GREB1L: variants seen among roughly 807,000 people sequenced by gnomAD.
GREB1L encodes GREB1-like protein.
A neutral mutation model predicts 200.8 loss-of-function variants in GREB1L; 17 were observed. The ratio of observed to expected loss-of-function variants is 0.08; its 90% CI spans 0.06 to 0.13. The LOEUF is 0.13. GREB1L is among the 10% of genes least tolerant of loss of function. The pLI, the probability that GREB1L is intolerant of heterozygous loss-of-function variation, is 1.00. For missense variants in GREB1L, 1,657 were observed against 2,367.7 expected (o/e 0.70, Z 6.23); for synonymous variants, 789 against 893.0 (o/e 0.88, Z 2.08).
intron 15 of GREB1L, among the ~76,000 whole-genome samples, chr18:21,459,398 G>A (rs529302690): frequency 2.8e-4 from 41 of 143,964 alleles, no homozygotes; most frequent in African/African-American, 1.1e-3. Context: ...TGATTCTCCT[G>A]CCCCAGCCTT....
At chr18:21,339,025 C>CT (rs1333778620) in intron 1 of GREB1L, among the ~76,000 whole-genome samples, 1 of 152,126 alleles carries the variant, frequency 6.6e-6, no homozygotes, top group Non-Finnish European at 1.5e-5. Flanking sequence ...CCCGTCTCTA[C>CT]TAAAAATACA....
At chr18:21,243,583 T>A (rs1035547350) in intron 1 of GREB1L, among the ~76,000 whole-genome samples, 10 of 152,122 alleles carry the variant, frequency 6.6e-5, no homozygotes, top group Non-Finnish European at 1.0e-4. Context: ...CCACAAAAGG[T>A]TTTTGAACTC....
At chr18:21,260,075 C>G (rs370437373) in intron 1 of GREB1L, among the ~76,000 whole-genome samples, 1 of 151,724 alleles carries the variant, frequency 6.6e-6, no homozygotes, top group Admixed American at 6.6e-5. Context: ...ACATTGTACA[C>G]GATTAATTAG....
intron 16 of GREB1L, among the ~76,000 whole-genome samples, chr18:21,476,511 G>A (rs138491906): frequency 6.6e-6 from 1 of 152,122 alleles, no homozygotes; most frequent in East Asian, 1.9e-4. Flanking sequence ...AGTTTTGGGT[G>A]ATATTTCTGA....
chr18:21,286,920 T>G (rs1226009533), intron 1 of GREB1L, among the ~76,000 whole-genome samples: 1 of 152,238 alleles, frequency 6.6e-6, no homozygotes, highest in Non-Finnish European at 1.5e-5. Flanking sequence ...GTGTTGGGGT[T>G]ACAGGCGTGA....
chr18:21,497,816 C>CT (rs981398546), intron 21 of GREB1L, among the ~76,000 whole-genome samples: 45 of 125,448 alleles, frequency 3.6e-4, no homozygotes, highest in Middle Eastern at 3.9e-3. Flanking sequence ...TCACCACCCC[C>CT]CCCCCTTTTT....
chr18:21,307,764 G>A (rs2038725449), intron 1 of GREB1L, among the ~76,000 whole-genome samples: 1 of 152,094 alleles, frequency 6.6e-6, no homozygotes, highest in Non-Finnish European at 1.5e-5. Flanking sequence ...CGGGGGGGAG[G>A]AGTGAGGTCA....
chr18:21,269,194 A>G (rs1441294119), intron 1 of GREB1L, among the ~76,000 whole-genome samples: 1 of 152,142 alleles, frequency 6.6e-6, no homozygotes, highest in Non-Finnish European at 1.5e-5. Flanking sequence ...TCTAATACTC[A>G]TGTCTGTTTT....
intron 1 of GREB1L, among the ~76,000 whole-genome samples, chr18:21,275,979 G>A (rs2038156622): frequency 6.6e-6 from 1 of 152,180 alleles, no homozygotes; most frequent in Non-Finnish European, 1.5e-5. Flanking sequence ...GGTCTTGGAA[G>A]ACAATGTAGA....
intron 5 of GREB1L, among the ~76,000 whole-genome samples, chr18:21,396,212 TC>T (rs2041059452): frequency 6.6e-6 from 1 of 151,818 alleles, no homozygotes. Context: ...GCCCAGCTAC[TC>T]TTTGTATTTT....
At chr18:21,468,571 CAT>C (rs562929932) in intron 15 of GREB1L, among the ~76,000 whole-genome samples, 78 of 152,298 alleles carry the variant, frequency 5.1e-4, no homozygotes, top group Non-Finnish European at 9.9e-4. Flanking sequence ...GTTAAAAAAT[CAT>C]AGAGTTCGCT....
At chr18:21,386,673 T>C (rs2040555687) in intron 4 of GREB1L, among the ~76,000 whole-genome samples, 1 of 151,028 alleles carries the variant, frequency 6.6e-6, no homozygotes, top group Non-Finnish European at 1.5e-5. Context: ...CTGGCTTCTT[T>C]TTTATGTATT....
chr18:21,356,798 C>A (rs1027341550), intron 1 of GREB1L, among the ~76,000 whole-genome samples: 2 of 152,138 alleles, frequency 1.3e-5, no homozygotes, highest in Non-Finnish European at 2.9e-5. Context: ...CAACATGGTG[C>A]AAGAGTTTCC....
intron 15 of GREB1L, chr18:21,468,726 G>A (rs748032461): frequency 2.2e-6 from 1 of 456,520 alleles, no homozygotes; most frequent in Non-Finnish European, 4.4e-6. Flanking sequence ...CCTGTTCCAG[G>A]TTCCAGTCCA....
At chr18:21,443,247 G>C (rs1261970108) in intron 10 of GREB1L, among the ~76,000 whole-genome samples, 1 of 151,874 alleles carries the variant, frequency 6.6e-6, no homozygotes, top group African/African-American at 2.4e-5. Context: ...CTGTGGCTCA[G>C]GCGGGAGTGC....
chr18:21,499,042 A>G (rs1286440624), intron 21 of GREB1L, among the ~76,000 whole-genome samples: 2 of 152,148 alleles, frequency 1.3e-5, no homozygotes, highest in African/African-American at 4.8e-5. Flanking sequence ...CTTTAGGGAA[A>G]AGCCACCGGC....
chr18:21,344,406 C>T, intron 1 of GREB1L, among the ~76,000 whole-genome samples: 1 of 150,692 alleles, frequency 6.6e-6, no homozygotes, highest in South Asian at 2.1e-4. Context: ...GTCTCAAAAA[C>T]AACAACAACA....
At chr18:21,283,556 A>C (rs2144485443) in intron 1 of GREB1L, among the ~76,000 whole-genome samples, 1 of 152,204 alleles carries the variant, frequency 6.6e-6, no homozygotes, top group East Asian at 1.9e-4. Context: ...TAAACCAAAA[A>C]CAAATTTTAA....
chr18:21,515,875 A>G (rs895484962), intron 29 of GREB1L, among the ~76,000 whole-genome samples: 11 of 152,342 alleles, frequency 7.2e-5, no homozygotes, highest in Middle Eastern at 3.4e-3. Context: ...CACTTTAGCC[A>G]TCTCATTATT....
Sources: gnomAD v4.1 joint callset for allele counts (sites outside exome capture counted in the v4.1 genomes callset) on GRCh38, gnomAD v4.1.1 for gene constraint, MANE v1.5 for transcripts, NCBI Gene and HGNC (gene_info 2026-07-23, HGNC 2026-07-21) for gene names.